Variants in FRMPD4 observed in about 807,000 individuals in gnomAD.
The protein encoded by FRMPD4 is FERM and PDZ domain-containing protein 4.
In FRMPD4, 22 loss-of-function variants were observed where a neutral mutation model predicts 94.1. That is an observed-to-expected ratio of 0.23 (90% CI 0.17 to 0.33). FRMPD4 has a LOEUF of 0.33. Among genes scored for constraint, FRMPD4 ranks in the 10% least tolerant of loss-of-function variants. The pLI is 1.00. For synonymous variants in FRMPD4, 631 were observed against 548.6 expected, an observed-to-expected ratio of 1.15 and a Z score of -2.10; for missense variants, 1,111 against 1,339.9, an observed-to-expected ratio of 0.83 and a Z score of 2.67.
At chrX:12,342,177 T>C (rs763633816) in intron 1 of FRMPD4, among the ~76,000 whole-genome samples, 1 of 112,087 alleles carries the variant, frequency 8.9e-6, no homozygotes, top group East Asian at 2.8e-4. Flanking sequence ...TACAAGACAC[T>C]GTAAAAGGAA....
At chrX:12,581,414 A>G (rs745749149) in intron 2 of FRMPD4, among the ~76,000 whole-genome samples, 1 of 99,871 alleles carries the variant, frequency 1.0e-5, no homozygotes, top group Non-Finnish European at 2.0e-5. Flanking sequence ...AGAGAACTAG[A>G]AATTATTTTT....
At chrX:11,843,577 T>C (rs981009632) in intron 1 of FRMPD4, among the ~76,000 whole-genome samples, 4 of 111,315 alleles carry the variant, frequency 3.6e-5, no homozygotes, top group African/African-American at 1.3e-4. Flanking sequence ...TTTTTCTTTT[T>C]CTTTTTCTTT....
intron 4 of FRMPD4, among the ~76,000 whole-genome samples, chrX:12,669,087 G>A (rs1238124475): frequency 1.8e-5 from 2 of 111,734 alleles, no homozygotes; most frequent in African/African-American, 6.5e-5. Flanking sequence ...ATGTGGTAAA[G>A]GTGACGGGAT....
intron 2 of FRMPD4, among the ~76,000 whole-genome samples, chrX:12,593,030 C>A (rs1005592182): frequency 1.8e-5 from 2 of 111,661 alleles, no homozygotes; most frequent in African/African-American, 6.5e-5. Flanking sequence ...ACTTCCTAGG[C>A]CTCGTTCAAG....
intron 1 of FRMPD4, among the ~76,000 whole-genome samples, chrX:12,150,463 T>C (rs1392329886): frequency 8.9e-6 from 1 of 111,909 alleles, no homozygotes; most frequent in Non-Finnish European, 1.9e-5. Flanking sequence ...TTCCTTTCCT[T>C]CTAGTCCTGA....
chrX:12,200,308 G>A, intron 1 of FRMPD4, among the ~76,000 whole-genome samples: 1 of 110,648 alleles, frequency 9.0e-6, no homozygotes, highest in Non-Finnish European at 1.9e-5. Flanking sequence ...CAGTTTGGAG[G>A]TTGGAAGCAA....
chrX:12,614,750 C>T, intron 3 of FRMPD4, 29 bp from the exon 4 acceptor site: 1 of 799,801 alleles, frequency 1.3e-6, no homozygotes, highest in Non-Finnish European at 1.9e-6. Flanking sequence ...ATGGTCTTCT[C>T]ACCTGTGCTT....
intron 3 of FRMPD4, among the ~76,000 whole-genome samples, chrX:12,118,703 A>G (rs1199758124): frequency 8.9e-6 from 1 of 111,812 alleles, no homozygotes; most frequent in African/African-American, 3.3e-5. Context: ...TGGTTGCAAG[A>G]GTTAGAAATC....
chrX:11,955,527 G>A (rs745998595), intron 3 of FRMPD4, among the ~76,000 whole-genome samples: 17 of 109,774 alleles, frequency 1.5e-4, no homozygotes, highest in African/African-American at 5.3e-4. Flanking sequence ...CGAGGTGGGC[G>A]GATCACGAGG....
intron 3 of FRMPD4, among the ~76,000 whole-genome samples, chrX:11,931,027 C>T (rs753793476): frequency 9.0e-6 from 1 of 111,432 alleles, no homozygotes; most frequent in South Asian, 3.8e-4. Context: ...ACTTAATGTG[C>T]TGCCTTTATC....
intron 1 of FRMPD4, among the ~76,000 whole-genome samples, chrX:12,297,496 G>A (rs745934724): frequency 1.1e-3 from 126 of 111,627 alleles, no homozygotes; most frequent in African/African-American, 4.0e-3. Context: ...GGGAAAGAAC[G>A]GAATTGTGGG....
At chrX:12,326,022 C>T (rs1310640199) in intron 1 of FRMPD4, among the ~76,000 whole-genome samples, 1 of 112,216 alleles carries the variant, frequency 8.9e-6, no homozygotes, top group Non-Finnish European at 1.9e-5. Flanking sequence ...TACTCTAGGT[C>T]TTCTCAGATG....
At chrX:12,621,968 G>GAGAAAGAAAGAGAGAA (rs2059295151) in intron 4 of FRMPD4, among the ~76,000 whole-genome samples, 1 of 41,077 alleles carries the variant, frequency 2.4e-5, no homozygotes, top group African/African-American at 1.1e-4. Context: ...AAGAAAGAAA[G>GAGAAAGAAAGAGAGAA]AGAAAGAAAG....
intron 1 of FRMPD4, among the ~76,000 whole-genome samples, chrX:12,317,771 C>T (rs2055148758): frequency 9.0e-6 from 1 of 110,859 alleles, no homozygotes; most frequent in African/African-American, 3.3e-5. Context: ...ATCATCTCAC[C>T]CCAGTTAGAA....
chrX:12,031,356 G>A (rs1216693528), intron 3 of FRMPD4, among the ~76,000 whole-genome samples: 1 of 112,322 alleles, frequency 8.9e-6, no homozygotes, highest in South Asian at 3.7e-4. Context: ...AACAAACTTG[G>A]AGGAATAAAA....
At chrX:12,480,498 T>C (rs1033761324) in intron 1 of FRMPD4, among the ~76,000 whole-genome samples, 85 of 111,605 alleles carry the variant, frequency 7.6e-4, no homozygotes, top group African/African-American at 2.5e-3. Flanking sequence ...TAAAAATGTT[T>C]ATGTTTCTTG....
At chrX:12,441,186 G>T (rs1003754599) in intron 1 of FRMPD4, among the ~76,000 whole-genome samples, 2 of 111,872 alleles carry the variant, frequency 1.8e-5, no homozygotes, top group Non-Finnish European at 3.8e-5. Flanking sequence ...ACATCTCTTA[G>T]GGAAACTACA....
chrX:12,260,585 A>G (rs981136785), intron 1 of FRMPD4, among the ~76,000 whole-genome samples: 1 of 111,588 alleles, frequency 9.0e-6, no homozygotes, highest in Admixed American at 9.5e-5. Context: ...CACATCCATT[A>G]TCTACACTCA....
intron 1 of FRMPD4, among the ~76,000 whole-genome samples, chrX:12,387,097 T>C (rs1011096410): frequency 4.4e-5 from 5 of 112,478 alleles, no homozygotes; most frequent in Admixed American, 9.4e-5. Context: ...TGCTCTATTC[T>C]TTTAACTACC....
Sources: allele counts gnomAD v4.1 joint callset (sites outside exome capture counted in the v4.1 genomes callset), GRCh38; gene constraint gnomAD v4.1.1; transcripts MANE v1.5; gene names NCBI Gene and HGNC (gene_info 2026-07-23, HGNC 2026-07-21).